The following PDE4D variants were observed in gnomAD, a reference collection of about 807,000 sequenced individuals.
PDE4D encodes phosphodiesterase 4D.
PDE4D carries 24 observed loss-of-function variants against 87.4 expected under a neutral mutation model. The ratio of observed to expected loss-of-function variants is 0.27; its 90% CI spans 0.20 to 0.39. The LOEUF is 0.39. Ranked by LOEUF, PDE4D falls within the 10% of genes least tolerant of loss-of-function variation. The pLI is 1.00. For synonymous variants in PDE4D, 384 were observed against 383.2 expected (o/e 1.00, Z -0.02); for missense variants, 714 against 1,041.0 (o/e 0.69, Z 4.32).
At chr5:59,028,938 C>T (rs1441223991) in intron 6 of PDE4D, among the ~76,000 whole-genome samples, 1 of 151,966 alleles carries the variant, frequency 6.6e-6, no homozygotes, top group Non-Finnish European at 1.5e-5. Flanking sequence ...AGAAAAAATA[C>T]AGAAAAAATA....
At chr5:59,447,330 G>A (rs1179509339) in intron 1 of PDE4D, among the ~76,000 whole-genome samples, 1 of 152,200 alleles carries the variant, frequency 6.6e-6, no homozygotes, top group East Asian at 1.9e-4. Context: ...TGCTGGAATG[G>A]AGAAAAGGTG....
At chr5:59,084,528 C>A (rs1580714441) in intron 5 of PDE4D, among the ~76,000 whole-genome samples, 3 of 151,414 alleles carry the variant, frequency 2.0e-5, no homozygotes, top group South Asian at 2.1e-4. Flanking sequence ...GAATAAATGG[C>A]AAAAAAGTGT....
intron 6 of PDE4D, among the ~76,000 whole-genome samples, chr5:59,008,662 T>C (rs1482657863): frequency 6.6e-6 from 1 of 152,018 alleles, no homozygotes; most frequent in Non-Finnish European, 1.5e-5. Flanking sequence ...AGAAAGTAGT[T>C]GTGATCTTGC....
At chr5:59,342,782 C>T (rs1778948183) in intron 1 of PDE4D, among the ~76,000 whole-genome samples, 1 of 151,596 alleles carries the variant, frequency 6.6e-6, no homozygotes, top group Admixed American at 6.6e-5. Flanking sequence ...TCACACCCCT[C>T]CTCTTTTCAA....
intron 1 of PDE4D, among the ~76,000 whole-genome samples, chr5:59,801,176 TGAGTGTTGAAGTTTATCAATC>T (rs2152665600): frequency 6.6e-6 from 1 of 152,200 alleles, no homozygotes; most frequent in East Asian, 1.9e-4. Context: ...TGTCATAGCT[TGAGTGTTGAAGTTTATCAATC>T]TAGGAATCCT....
At chr5:59,735,015 G>A (rs997334473) in intron 1 of PDE4D, among the ~76,000 whole-genome samples, 1 of 152,096 alleles carries the variant, frequency 6.6e-6, no homozygotes, top group Non-Finnish European at 1.5e-5. Context: ...ATCCTATATT[G>A]AGGTTTTATG....
intron 1 of PDE4D, among the ~76,000 whole-genome samples, chr5:59,323,967 C>T (rs571009999): frequency 2.0e-5 from 3 of 152,122 alleles, no homozygotes; most frequent in East Asian, 3.9e-4. Flanking sequence ...TACCTTAGGC[C>T]AACTAATTTT....
chr5:60,107,360 T>C (rs1777096769), intron 2 of PDE4D, among the ~76,000 whole-genome samples: 1 of 152,136 alleles, frequency 6.6e-6, no homozygotes, highest in South Asian at 2.1e-4. Flanking sequence ...ATTGTGGCAA[T>C]AATCAATAGC....
intron 1 of PDE4D, among the ~76,000 whole-genome samples, chr5:59,230,814 T>C (rs934797265): frequency 2.0e-5 from 3 of 152,254 alleles, no homozygotes; most frequent in Non-Finnish European, 4.4e-5. Context: ...AACAGATGGG[T>C]TTTCTGCCTT....
chr5:59,151,578 T>C (rs1779481603), intron 5 of PDE4D, among the ~76,000 whole-genome samples: 1 of 152,194 alleles, frequency 6.6e-6, no homozygotes, highest in Non-Finnish European at 1.5e-5. Flanking sequence ...CTGGCAGGAA[T>C]GAAATTCCTC....
intron 5 of PDE4D, among the ~76,000 whole-genome samples, chr5:59,062,544 A>G (rs957644374): frequency 7.2e-5 from 11 of 152,086 alleles, no homozygotes; most frequent in Non-Finnish European, 1.3e-4. Flanking sequence ...GGAGGAATAC[A>G]TCGAGGAGTT....
Position 60,104,455 on chromosome 5 carries a change from G to T in PDE4D, c.42+81102C>A, listed in dbSNP as rs551848111. Among the ~76,000 whole-genome samples, 43 of 152,346 alleles carry T rather than the reference G, an allele frequency of 2.8e-4. No individual in the cohort carries two copies. The South Asian group carries it at 8.5e-3, about 30-fold the overall frequency. On this transcript the variant is annotated intron_variant, in intron 2 of 16. Coordinates refer to the PDE4D transcript ENST00000502484. ...CAGGGCACAGACAAACAAAAAGACAGCAGTGACCTCTGCAGACTTAAATGT... is the reference window on the plus strand; with the variant it reads ...CAGGGCACAGACAAACAAAAAGACATCAGTGACCTCTGCAGACTTAAATGT...
At chr5:59,261,209 T>C (rs1761948644) in intron 1 of PDE4D, among the ~76,000 whole-genome samples, 1 of 151,874 alleles carries the variant, frequency 6.6e-6, no homozygotes, top group Admixed American at 6.6e-5. Flanking sequence ...TGAACTACAC[T>C]AGGACATAAA....
intron 1 of PDE4D, among the ~76,000 whole-genome samples, chr5:60,284,743 T>C (rs543473472): frequency 6.6e-6 from 1 of 152,170 alleles, no homozygotes; most frequent in Non-Finnish European, 1.5e-5. Flanking sequence ...TGATTTATTC[T>C]CATGTTAGAA....
intron 1 of PDE4D, among the ~76,000 whole-genome samples, chr5:59,616,465 TA>T (rs926968001): frequency 6.6e-6 from 1 of 152,088 alleles, no homozygotes; most frequent in Non-Finnish European, 1.5e-5. Flanking sequence ...CTCAAACCAT[TA>T]AAAGTTATAA....
At chr5:60,120,245 A>T (rs1464424536) in intron 2 of PDE4D, among the ~76,000 whole-genome samples, 1 of 152,218 alleles carries the variant, frequency 6.6e-6, no homozygotes, top group Non-Finnish European at 1.5e-5. Flanking sequence ...AGCAGAGCTT[A>T]CTGTACTTTG....
In PDE4D at chr5:60,017,552, G is replaced by A. The variant is rs191117241; in HGVS notation, c.43-28835C>T. ...TATAAGTGAGAACATGTGGTGTTTC[G>A]TTTTCTGTTCCTGAGTTAGTTTGCT... On this transcript the variant is annotated intron_variant, in intron 2 of 16. Coordinates refer to the PDE4D transcript ENST00000502484. Among the ~76,000 whole-genome samples, 474 of 152,096 alleles carry A rather than the reference G, an allele frequency of 3.1e-3. 3 individuals carry two copies. The highest frequency in any genetic ancestry group is 0.011 in the African/African-American group (455 of 41,474).
intron 1 of PDE4D, among the ~76,000 whole-genome samples, chr5:59,868,226 T>G (rs1747329321): frequency 6.6e-6 from 1 of 152,172 alleles, no homozygotes; most frequent in African/African-American, 2.4e-5. Context: ...GAGACAATTA[T>G]AAATATTTAT....
chr5:59,165,806 G>A (rs1277085570), intron 5 of PDE4D, among the ~76,000 whole-genome samples: 13 of 152,142 alleles, frequency 8.5e-5, no homozygotes, highest in African/African-American at 3.1e-4. Context: ...GAAGCCACCT[G>A]CCTGTTCTCT....
Sources: gnomAD v4.1 joint callset for allele counts (sites outside exome capture counted in the v4.1 genomes callset) on GRCh38, gnomAD v4.1.1 for gene constraint, MANE v1.5 for transcripts, NCBI Gene and HGNC (gene_info 2026-07-23, HGNC 2026-07-21) for gene names.